Variants in KCNAB1 observed in about 807,000 individuals in gnomAD.
The protein encoded by KCNAB1 is potassium voltage-gated channel subfamily A regulatory beta subunit 1.
Under a neutral mutation model 64.6 loss-of-function variants are expected in KCNAB1, and 35 were observed. The observed-to-expected ratio is 0.54, with a 90% confidence interval of 0.41 to 0.72. The LOEUF is 0.72. KCNAB1 is among the 30% of genes least tolerant of loss of function. The pLI is 0.00. For synonymous variants in KCNAB1, 177 were observed against 183.8 expected (o/e 0.96, Z 0.30); for missense variants, 401 against 512.9 (o/e 0.78, Z 2.11).
rs575763168 is a variant in KCNAB1 at position 156,409,704 on chromosome 3, C to T, written c.276-11912C>T. On this transcript the variant is annotated intron_variant, in intron 1 of 13. Transcript: ENST00000490337. ...ATTTCCTAGTCACTATGAGAAGGCA[C>T]AATGCCTGGCGCTCTAGTTAGACAC... is the stretch of plus-strand genomic sequence containing the variant. Among the ~76,000 whole-genome samples the T allele has an allele frequency of 3.9e-5, 6 of 152,328 alleles. No individual in the cohort carries two copies. The East Asian group carries it at 1.2e-3, about 29-fold the overall frequency.
chr3:156,154,174 C>G (rs994741201), intron 1 of KCNAB1, among the ~76,000 whole-genome samples: 1 of 152,136 alleles, frequency 6.6e-6, no homozygotes, highest in Non-Finnish European at 1.5e-5. Context: ...GTGGTGCTTT[C>G]TGAGGGAGGT....
At chr3:156,384,772 T>C (rs1377068694) in intron 1 of KCNAB1, among the ~76,000 whole-genome samples, 1 of 152,130 alleles carries the variant, frequency 6.6e-6, no homozygotes, top group South Asian at 2.1e-4. Flanking sequence ...TGAAGTTGGG[T>C]CCTCCTCAGA....
intron 11 of KCNAB1, among the ~76,000 whole-genome samples, chr3:156,518,175 CTATTGGTGACT>C (rs1717683437): frequency 1.3e-5 from 2 of 152,160 alleles, no homozygotes; most frequent in Non-Finnish European, 2.9e-5. Flanking sequence ...GGAAATATTT[CTATTGGTGACT>C]TTTATAAAGT....
intron 1 of KCNAB1, among the ~76,000 whole-genome samples, chr3:156,382,858 G>C (rs1190272808): frequency 2.0e-5 from 3 of 152,210 alleles, no homozygotes; most frequent in African/African-American, 7.2e-5. Context: ...AGAAGCCTGA[G>C]GGCTTGTTAC....
At chr3:156,534,527 C>T (rs1260274824) in intron 13 of KCNAB1, among the ~76,000 whole-genome samples, 2 of 152,164 alleles carry the variant, frequency 1.3e-5, no homozygotes, top group Non-Finnish European at 2.9e-5. Context: ...AGCAGTCGGG[C>T]CTCATCACTC....
chr3:156,315,207 T>C (rs1722196190), intron 1 of KCNAB1, among the ~76,000 whole-genome samples: 1 of 152,210 alleles, frequency 6.6e-6, no homozygotes, highest in Non-Finnish European at 1.5e-5. Flanking sequence ...AATGGTGCTA[T>C]GCGAGTGCCT....
chr3:156,342,623 T>TA (rs1724217608), intron 1 of KCNAB1, among the ~76,000 whole-genome samples: 3 of 134,910 alleles, frequency 2.2e-5, no homozygotes, highest in South Asian at 2.4e-4. Context: ...TTTTTTTTTT[T>TA]ATTATACTCT....
At chr3:156,146,810 A>G (rs1318409517) in intron 1 of KCNAB1, among the ~76,000 whole-genome samples, 2 of 152,214 alleles carry the variant, frequency 1.3e-5, no homozygotes, top group African/African-American at 2.4e-5. Flanking sequence ...AAACCACTAA[A>G]AATGTAAAAA....
Position 156,536,930 on chromosome 3 carries a change from C to G in KCNAB1, c.*183C>G. On this transcript the variant is annotated 3_prime_UTR_variant, in exon 14 of 14. Transcript: ENST00000490337. ...CTGTGCACATCTGAAAACTCACAAC[C>G]AAGAAAATCCATTCTATTTTCTTAT... 1.7e-6 allele frequency: 1 copy of G among 597,358 alleles called. No homozygotes were observed. The highest frequency in any genetic ancestry group is 3.0e-6 in the Non-Finnish European group (1 of 335,764). The allele number at this position is 597,358 out of a possible 1,614,324, so 37.0% of individuals were successfully genotyped here.
At chr3:156,203,411 T>C (rs1425876443) in intron 1 of KCNAB1, among the ~76,000 whole-genome samples, 1 of 152,232 alleles carries the variant, frequency 6.6e-6, no homozygotes, top group South Asian at 2.1e-4. Flanking sequence ...TAAGATAGCA[T>C]TGGGTTTAAA....
intron 1 of KCNAB1, among the ~76,000 whole-genome samples, chr3:156,190,619 C>T (rs1320184149): frequency 1.3e-5 from 2 of 152,156 alleles, no homozygotes; most frequent in East Asian, 1.9e-4. Context: ...ACAGTAATAC[C>T]GGCCCTGCTG....
intron 1 of KCNAB1, chr3:156,176,352 A>C: frequency 1.2e-6 from 1 of 810,184 alleles, no homozygotes; most frequent in Non-Finnish European, 2.2e-6. Flanking sequence ...ACATGTTCTG[A>C]AATGTTTAGA....
intron 1 of KCNAB1, among the ~76,000 whole-genome samples, chr3:156,198,497 G>A (rs192030784): frequency 6.6e-6 from 1 of 152,126 alleles, no homozygotes; most frequent in Middle Eastern, 3.4e-3. Flanking sequence ...GTATATTTAG[G>A]GTAGTTAGCT....
chr3:156,463,277 T>C (rs1246388255), intron 5 of KCNAB1, among the ~76,000 whole-genome samples: 4 of 152,164 alleles, frequency 2.6e-5, no homozygotes, highest in African/African-American at 4.8e-5. Context: ...AGATACTGAA[T>C]ACGTGTTCAT....
intron 1 of KCNAB1, among the ~76,000 whole-genome samples, chr3:156,329,403 A>G (rs1044188347): frequency 6.6e-6 from 1 of 152,140 alleles, no homozygotes; most frequent in Non-Finnish European, 1.5e-5. Flanking sequence ...CAAGTCCAAG[A>G]AAAGGATGGA....
intron 1 of KCNAB1, among the ~76,000 whole-genome samples, chr3:156,290,009 C>G (rs1412496683): frequency 1.3e-5 from 2 of 152,118 alleles, no homozygotes; most frequent in African/African-American, 2.4e-5. Context: ...GCCTGGGCAC[C>G]CATGAGCTTC....
intron 1 of KCNAB1, among the ~76,000 whole-genome samples, chr3:156,156,629 G>T (rs1365465673): frequency 6.6e-6 from 1 of 152,176 alleles, no homozygotes; most frequent in East Asian, 1.9e-4. Context: ...AAGCTTCTCA[G>T]CTCAGGCAAT....
intron 1 of KCNAB1, among the ~76,000 whole-genome samples, chr3:156,264,694 A>G (rs1273291816): frequency 6.6e-6 from 1 of 152,124 alleles, no homozygotes; most frequent in African/African-American, 2.4e-5. Flanking sequence ...GTAATATTAT[A>G]TATATACACA....
intron 8 of KCNAB1, among the ~76,000 whole-genome samples, chr3:156,487,430 C>G (rs1715294558): frequency 6.6e-6 from 1 of 152,008 alleles, no homozygotes; most frequent in Non-Finnish European, 1.5e-5. Context: ...TGGAATTTAC[C>G]CATCATTTCT....
Sources: gnomAD v4.1 joint callset for allele counts (sites outside exome capture counted in the v4.1 genomes callset) on GRCh38, gnomAD v4.1.1 for gene constraint, MANE v1.5 for transcripts, NCBI Gene and HGNC (gene_info 2026-07-23, HGNC 2026-07-21) for gene names.